Variants in TRIP12 observed in about 807,000 individuals in gnomAD.
TRIP12 encodes E3 ubiquitin-protein ligase TRIP12.
In TRIP12, 25 loss-of-function variants were observed where a neutral mutation model predicts 244.2. The observed-to-expected ratio is 0.10, with a 90% confidence interval of 0.07 to 0.14. The LOEUF (loss-of-function observed/expected upper bound fraction) is 0.14, where lower values mean the gene tolerates loss of function less well. TRIP12 is among the 10% of genes least tolerant of loss of function. The pLI is 1.00. For missense variants in TRIP12, 1,677 were observed against 2,486.4 expected (o/e 0.67, Z 6.92); for synonymous variants, 905 against 873.1 (o/e 1.04, Z -0.64).
chr2:229,906,062 T>C (rs2072670822), intron 1 of TRIP12, among the ~76,000 whole-genome samples: 2 of 152,166 alleles, frequency 1.3e-5, no homozygotes, highest in African/African-American at 4.8e-5. Context: ...CCCAACACTT[T>C]GGGAGGCCGA....
Position 229,807,810 on chromosome 2 carries a change from C to T in TRIP12, c.2394G>A (p.Leu798=). 1.2e-6 allele frequency: 2 copies of T among 1,614,138 alleles called. No homozygotes were observed. The highest frequency in any genetic ancestry group is 1.7e-6 in the Non-Finnish European group (2 of 1,180,018). The part of the protein sequence containing the change: ...KEGIFAVDTM[L]KKGNAQNTDG... ...CTGTGTTCTGTGCATTTCCCTTCTT[C>T]AACATGGTATCAACTGCAAAAATGC... Residue 798 remains leucine, a synonymous_variant, in exon 17 of 42, where the codon TTG becomes TTA. Transcript: ENST00000675903.
intron 1 of TRIP12, among the ~76,000 whole-genome samples, chr2:229,897,640 C>G (rs2069254948): frequency 6.6e-6 from 1 of 152,248 alleles, no homozygotes; most frequent in Non-Finnish European, 1.5e-5. Context: ...GAGTGAGACT[C>G]CGTCTCTAAA....
chr2:229,870,307 TA>T (rs1007847228), intron 2 of TRIP12, among the ~76,000 whole-genome samples: 1 of 152,184 alleles, frequency 6.6e-6, no homozygotes, highest in African/African-American at 2.4e-5. Flanking sequence ...ATGAGAGGCC[TA>T]AAAGTTAAGC....
intron 4 of TRIP12, among the ~76,000 whole-genome samples, chr2:229,842,301 G>A (rs2056613217): frequency 6.6e-6 from 1 of 152,104 alleles, no homozygotes. Context: ...ATAATCATAT[G>A]CCTAATATCC....
chr2:229,871,536 C>T (rs2062604756), intron 2 of TRIP12, among the ~76,000 whole-genome samples: 1 of 152,086 alleles, frequency 6.6e-6, no homozygotes, highest in Admixed American at 6.5e-5. Context: ...CCCCTTGCTC[C>T]CACTCTTGCC....
At position 229,766,947 on chromosome 2, in the gene TRIP12, T is replaced by G. The variant is rs888377545; in HGVS notation, c.*607A>C. On this transcript the variant is annotated 3_prime_UTR_variant, in exon 42 of 42. Coordinates refer to ENST00000675903, the MANE Select transcript of TRIP12 (RefSeq NM_001348323.3). ...AATGAATTTTAAATTAGATCTTAAC[T>G]GGAGAGAACATGGGACAACAGAAGC... 6.6e-6 allele frequency: 1 copy of G among 152,012 alleles called. No homozygotes were observed. Among genetic ancestry groups the G allele is most frequent in the South Asian group, 2.1e-4 (1 of 4,818 alleles). 9.4% of individuals were successfully genotyped at this position (152,012 alleles called of 1,614,324 possible). A position where few individuals can be genotyped will look rare whatever the true frequency, so the allele number is the denominator to read the frequency against.
At chr2:229,911,217 C>T (rs1449790919) in intron 1 of TRIP12, among the ~76,000 whole-genome samples, 2 of 152,216 alleles carry the variant, frequency 1.3e-5, no homozygotes, top group African/African-American at 2.4e-5. Context: ...CCTTACTCTA[C>T]AAACAGGTAC....
intron 34 of TRIP12, among the ~76,000 whole-genome samples, chr2:229,782,237 G>A (rs926251096): frequency 1.3e-5 from 2 of 151,788 alleles, no homozygotes; most frequent in Admixed American, 6.6e-5. Flanking sequence ...CAAAAAATCC[G>A]TATCTCTTAT....
At chr2:229,822,508 A>T (rs2050342770) in intron 8 of TRIP12, among the ~76,000 whole-genome samples, 1 of 152,258 alleles carries the variant, frequency 6.6e-6, no homozygotes, top group Non-Finnish European at 1.5e-5. Context: ...AGGTGAAATT[A>T]GTCATACCAA....
At position 229,831,015 on chromosome 2, in the gene TRIP12, AAAGGAGAGCT is replaced by A. The variant is rs1297333707; in HGVS notation, c.1271-186_1271-177del. On this transcript the variant is annotated intron_variant, in intron 6 of 41. Transcript: ENST00000675903. ...CTTTATCCTGTAGCTTTTAGGAATG[AAAGGAGAGCT>A]CAACTATTTTAGTATTAAAAAGGTT... is the stretch of plus-strand genomic sequence containing the variant. The A allele has an allele frequency of 3.7e-5, 25 of 681,850 alleles. No homozygotes were observed. The East Asian group carries it at 6.7e-4, about 18-fold the overall frequency. The allele number at this position is 681,850 out of a possible 1,614,324, so 42.2% of individuals were successfully genotyped here. A position where few individuals can be genotyped will look rare whatever the true frequency, so the allele number is the denominator to read the frequency against.
In TRIP12 at chr2:229,787,492, G is replaced by T; in HGVS notation, c.4995+13C>A. 1 of 1,592,786 alleles carries T rather than the reference G, an allele frequency of 6.3e-7. No individual in the cohort carries two copies. The highest frequency in any genetic ancestry group is 1.2e-5 in the South Asian group (1 of 86,334). ...AAGCTCAGATTATTTAAAGATTTTG[G>T]GGAGAAACTTACTTTTTTTCTATCC... On this transcript the variant is annotated intron_variant, in intron 33 of 41. Coordinates refer to ENST00000675903, the MANE Select transcript of TRIP12 (RefSeq NM_001348323.3).
chr2:229,811,258 T>C, intron 13 of TRIP12, 54 bp from the exon 14 acceptor site: 1 of 1,530,270 alleles, frequency 6.5e-7, no homozygotes, highest in Non-Finnish European at 8.9e-7. Flanking sequence ...ATTTTCACTG[T>C]CATGTATCAC....
rs1362406300 is a variant in TRIP12 at position 229,858,923 on chromosome 2, T to G, written c.876A>C (p.Glu292Asp). 7 of 1,614,212 alleles carry G rather than the reference T, an allele frequency of 4.3e-6. No individual in the cohort carries two copies. In the South Asian group the frequency reaches 7.7e-5, roughly 18 times the overall value. The part of the protein sequence containing the change: ...PSPRRSSREK[E>D]QSKTGGSSKF... The stretch of plus-strand genomic sequence containing the variant: ...TTGAAGAGCCACCAGTTTTACTCTG[T>G]TCCTTTTCCCTGCTACTTCTTCTGG... Residue 292 changes from glutamate to aspartate, a missense_variant, in exon 4 of 42, where the codon GAA becomes GAC. Transcript: ENST00000675903.
intron 37 of TRIP12, among the ~76,000 whole-genome samples, chr2:229,776,841 A>C (rs1453382128): frequency 6.6e-6 from 1 of 152,208 alleles, no homozygotes; most frequent in Non-Finnish European, 1.5e-5. Context: ...GTTATCTATG[A>C]GATGTCACAG....
intron 8 of TRIP12, among the ~76,000 whole-genome samples, chr2:229,827,616 G>C (rs186357841): frequency 3.6e-4 from 55 of 152,152 alleles, no homozygotes; most frequent in African/African-American, 1.1e-3. Context: ...GGTCTTCAGG[G>C]GTGATGACAG....
Position 229,871,409 on chromosome 2 carries a change from G to A in TRIP12, c.98+8573C>T, listed in dbSNP as rs138434299. Among the ~76,000 whole-genome samples, 447 of 152,284 alleles carry A rather than the reference G, an allele frequency of 2.9e-3. 2 individuals carry two copies. Among genetic ancestry groups the A allele is most frequent in the African/African-American group, 0.01 (427 of 41,558 alleles). On this transcript the variant is annotated intron_variant, in intron 2 of 41. Coordinates refer to ENST00000675903, the MANE Select transcript of TRIP12 (RefSeq NM_001348323.3). ...TGGTGGGAGGTGTTTGAATCACTGGGGTGGATGGATCCCTCATGAATGGCT... is the reference window on the plus strand; with the variant it reads ...TGGTGGGAGGTGTTTGAATCACTGGAGTGGATGGATCCCTCATGAATGGCT...
intron 2 of TRIP12, among the ~76,000 whole-genome samples, chr2:229,867,103 T>TG (rs963165266): frequency 7.9e-5 from 12 of 151,052 alleles, no homozygotes; most frequent in Non-Finnish European, 1.5e-4. Context: ...GAGGGTTTTT[T>TG]TTTTTGTTTT....
At position 229,764,448 on chromosome 2, in the gene TRIP12, T is replaced by C. The variant is rs1016431494; in HGVS notation, c.*3106A>G. 4.6e-5 allele frequency: 7 copies of C among 152,158 alleles called. No individual in the cohort carries two copies. The highest frequency in any genetic ancestry group is 1.0e-4 in the Non-Finnish European group (7 of 68,020). The allele number at this position is 152,158 out of a possible 1,614,324, so 9.4% of individuals were successfully genotyped here. A position where few individuals can be genotyped will look rare whatever the true frequency, so the allele number is the denominator to read the frequency against. On this transcript the variant is annotated 3_prime_UTR_variant, in exon 42 of 42. Coordinates refer to ENST00000675903, the MANE Select transcript of TRIP12 (RefSeq NM_001348323.3). ...ATTTTACTAGTAGAGAAATGAACAA[T>C]AGCATCCAGAATCCTCCAAAAAGGA...
At position 229,764,742 on chromosome 2, in the gene TRIP12, A is replaced by G. The variant is rs1187605049; in HGVS notation, c.*2812T>C. Reference sequence around the variant, plus strand: ...TGTGGTAGGATGTATAGGATGCCCTAGGGAAGTCACTCCACAATACGGAGT... The same window carrying G: ...TGTGGTAGGATGTATAGGATGCCCTGGGGAAGTCACTCCACAATACGGAGT... On this transcript the variant is annotated 3_prime_UTR_variant, in exon 42 of 42. Coordinates refer to ENST00000675903, the MANE Select transcript of TRIP12 (RefSeq NM_001348323.3). 2.6e-5 allele frequency: 4 copies of G among 152,230 alleles called. No individual in the cohort carries two copies. The highest frequency in any genetic ancestry group is 9.6e-5 in the African/African-American group (4 of 41,460). 9.4% of individuals were successfully genotyped at this position (152,230 alleles called of 1,614,324 possible).
Sources: allele counts gnomAD v4.1 joint callset (sites outside exome capture counted in the v4.1 genomes callset), GRCh38; gene constraint gnomAD v4.1.1; transcripts MANE v1.5; gene names NCBI Gene and HGNC (gene_info 2026-07-23, HGNC 2026-07-21).